The following NIBAN1 variants were observed in gnomAD, a reference collection of about 807,000 sequenced individuals.
NIBAN1 encodes the protein protein Niban 1.
Under a neutral mutation model 75.1 loss-of-function variants are expected in NIBAN1, and 81 were observed. The ratio of observed to expected loss-of-function variants is 1.08; its 90% CI spans 0.90 to 1.30. The LOEUF (loss-of-function observed/expected upper bound fraction) is 1.30. Among genes scored for constraint, NIBAN1 ranks in the 50% most tolerant of loss-of-function variants. The probability of loss-of-function intolerance (pLI) is 0.00; values close to 1 mark genes in which losing one functional copy is unlikely to be tolerated. For synonymous variants in NIBAN1, 436 were observed against 424.8 expected (o/e 1.03, Z -0.32); for missense variants, 1,133 against 1,128.1 (o/e 1.00, Z -0.06).
At chr1:184,894,522 T>C (rs1393614748) in intron 2 of NIBAN1, among the ~76,000 whole-genome samples, 1 of 152,244 alleles carries the variant, frequency 6.6e-6, no homozygotes, top group Non-Finnish European at 1.5e-5. Context: ...CAATAAATGC[T>C]TGATAAACTC....
intron 12 of NIBAN1, 29 bp from the exon 13 acceptor site, chr1:184,798,219 A>T (rs1164305436): frequency 4.2e-6 from 6 of 1,421,440 alleles, no homozygotes; most frequent in African/African-American, 2.8e-5. Context: ...GAAGATAAAG[A>T]TGAAAAGGCA....
chr1:184,900,334 G>T (rs771037881), intron 1 of NIBAN1, among the ~76,000 whole-genome samples: 104 of 152,112 alleles, frequency 6.8e-4, no homozygotes, highest in Admixed American at 2.9e-3. Flanking sequence ...ATTCTGTGAG[G>T]CAGAAACCAG....
rs753611554 is a variant in NIBAN1 at position 184,792,367 on chromosome 1, T to G, written c.*2610A>C. 10 of 152,472 alleles carry G rather than the reference T, an allele frequency of 6.6e-5. No homozygotes were observed. The highest frequency in any genetic ancestry group is 1.0e-4 in the Non-Finnish European group (7 of 68,072). 9.4% of individuals were successfully genotyped at this position (152,472 alleles called of 1,614,324 possible). Reference sequence around the variant, plus strand: ...GATAAAGTTAGGGCACTGATGTTCATCCATCCAATGCAGTGAAAGGTACTC... The same window carrying G: ...GATAAAGTTAGGGCACTGATGTTCAGCCATCCAATGCAGTGAAAGGTACTC... On this transcript the variant is annotated 3_prime_UTR_variant, in exon 14 of 14. Coordinates refer to ENST00000367511, the MANE Select transcript of NIBAN1 (RefSeq NM_052966.4).
At position 184,922,093 on chromosome 1, in the gene NIBAN1, A is replaced by AT. The variant is rs1056936489; in HGVS notation, c.56-22785dup. On this transcript the variant is annotated intron_variant, in intron 1 of 13. Transcript: ENST00000367511. ...ACCAATTACCTTTCACATCTCCTTC[A>AT]TTTTTTTTAATTTTTAATTTTTGTG... Among the ~76,000 whole-genome samples, 3 of 151,778 alleles carry AT rather than the reference A, an allele frequency of 2.0e-5. No homozygotes were observed. The East Asian group carries it at 5.8e-4, about 29-fold the overall frequency.
chr1:184,886,832 T>C (rs1656538336), intron 4 of NIBAN1, among the ~76,000 whole-genome samples: 1 of 152,192 alleles, frequency 6.6e-6, no homozygotes, highest in Non-Finnish European at 1.5e-5. Flanking sequence ...GCATCAGTTC[T>C]GGCAAATTAA....
chr1:184,951,376 A>G (rs908806550), intron 1 of NIBAN1, among the ~76,000 whole-genome samples: 2 of 152,102 alleles, frequency 1.3e-5, no homozygotes, highest in Non-Finnish European at 2.9e-5. Context: ...CTCCACTTGA[A>G]CCTCAATCTT....
At chr1:184,894,718 T>G (rs553942485) in intron 2 of NIBAN1, among the ~76,000 whole-genome samples, 51 of 152,280 alleles carry the variant, frequency 3.3e-4, no homozygotes, top group African/African-American at 1.2e-3. Context: ...TGGGGACCCC[T>G]CTCCATGCTA....
intron 1 of NIBAN1, among the ~76,000 whole-genome samples, chr1:184,948,987 A>G (rs1169414013): frequency 1.3e-5 from 2 of 152,192 alleles, no homozygotes; most frequent in Non-Finnish European, 2.9e-5. Flanking sequence ...AATAAAAATA[A>G]TGGCTTTTAA....
chr1:184,803,618 A>C lies in NIBAN1; in HGVS notation c.1521T>G (p.Thr507=), dbSNP rs753986529. The C allele has an allele frequency of 4.3e-6, 7 of 1,614,132 alleles. No individual in the cohort carries two copies. In the Admixed American group the frequency reaches 1.2e-4, roughly 27 times the overall value. ...QEALVQITLP[T]VQKALASTCK... is the part of the protein sequence containing the mutation. ...ATGTGGACGCCAGTGCCTTCTGCAC[A>C]GTGGGAAGTGTGATTTGAACTAGTG... The change falls in exon 12 of 14, where the codon ACT becomes ACG. Residue 507 remains threonine (T), a synonymous_variant. Coordinates refer to ENST00000367511, the MANE Select transcript of NIBAN1 (RefSeq NM_052966.4).
chr1:184,886,835 C>T (rs118132157), intron 4 of NIBAN1, among the ~76,000 whole-genome samples: 1 of 152,088 alleles, frequency 6.6e-6, no homozygotes, highest in African/African-American at 2.4e-5. Flanking sequence ...TCAGTTCTGG[C>T]AAATTAATAA....
At chr1:184,939,124 T>C (rs1221491813) in intron 1 of NIBAN1, among the ~76,000 whole-genome samples, 1 of 152,250 alleles carries the variant, frequency 6.6e-6, no homozygotes, top group African/African-American at 2.4e-5. Flanking sequence ...GTTGCTACTA[T>C]GCACAAATGT....
At chr1:184,907,660 C>T (rs902478572) in intron 1 of NIBAN1, among the ~76,000 whole-genome samples, 1 of 152,178 alleles carries the variant, frequency 6.6e-6, no homozygotes, top group African/African-American at 2.4e-5. Context: ...TCTAATTACA[C>T]AGAATAATGC....
chr1:184,853,237 G>A (rs1468614432), intron 5 of NIBAN1, among the ~76,000 whole-genome samples: 1 of 152,086 alleles, frequency 6.6e-6, no homozygotes, highest in African/African-American at 2.4e-5. Context: ...ACTATTTCGG[G>A]TGTTTATTTG....
At chr1:184,822,242 G>C (rs1654721467) in intron 8 of NIBAN1, among the ~76,000 whole-genome samples, 1 of 152,170 alleles carries the variant, frequency 6.6e-6, no homozygotes, top group Admixed American at 6.5e-5. Context: ...TGTGTTTGTT[G>C]GGTTGTAGAG....
Position 184,795,195 on chromosome 1 carries a change from G to C in NIBAN1, c.2569C>G (p.Gln857Glu). 1 of 1,614,150 alleles carries C rather than the reference G, an allele frequency of 6.2e-7. No individual in the cohort carries two copies. Among genetic ancestry groups the C allele is most frequent in the Non-Finnish European group, 8.5e-7 (1 of 1,180,048 alleles). The change falls in exon 14 of 14, where the codon CAG becomes GAG. Residue 857 changes from glutamine (Q) to glutamate (E), a missense_variant. Physicochemically the swap from Gln to Glu is conservative, Grantham distance 29 (BLOSUM62 2). Coordinates refer to ENST00000367511, the MANE Select transcript of NIBAN1 (RefSeq NM_052966.4). ...ATCTCTTCTTGTTCCTCAGAAACCT[G>C]GCTCTCACTGAGGCAGATGGGGTCA... is the stretch of plus-strand genomic sequence containing the variant. ...GSDPICLSES[Q>E]VSEEQEEMGG...
At chr1:184,932,191 G>A (rs1433460460) in intron 1 of NIBAN1, among the ~76,000 whole-genome samples, 2 of 152,158 alleles carry the variant, frequency 1.3e-5, no homozygotes, top group Non-Finnish European at 2.9e-5. Flanking sequence ...GGTTGGGGTG[G>A]CAGATGGTTT....
chr1:184,808,027 GCTCT>G, intron 10 of NIBAN1, 43 bp downstream of exon 10: 1 of 1,606,704 alleles, frequency 6.2e-7, no homozygotes, highest in Non-Finnish European at 8.5e-7. Flanking sequence ...CCATTTCTCT[GCTCT>G]CTCTTTACCC....
At chr1:184,826,074 C>G (rs1654833408) in intron 6 of NIBAN1, among the ~76,000 whole-genome samples, 1 of 152,156 alleles carries the variant, frequency 6.6e-6, no homozygotes, top group African/African-American at 2.4e-5. Flanking sequence ...TTCACTGAAG[C>G]AAATAGAAAC....
chr1:184,811,173 G>A (rs1328028299), intron 9 of NIBAN1, among the ~76,000 whole-genome samples: 1 of 152,222 alleles, frequency 6.6e-6, no homozygotes, highest in East Asian at 1.9e-4. Flanking sequence ...GACTGGGTCA[G>A]AAAGGAACTG....
Sources: allele counts gnomAD v4.1 joint callset (sites outside exome capture counted in the v4.1 genomes callset), GRCh38; gene constraint gnomAD v4.1.1; transcripts MANE v1.5; gene names NCBI Gene and HGNC (gene_info 2026-07-23, HGNC 2026-07-21).